Variants in ADGRL3 observed in about 807,000 individuals in gnomAD.
ADGRL3 encodes calcium-independent alpha-latrotoxin receptor 3.
ADGRL3 carries 62 observed loss-of-function variants against 153.5 expected under a neutral mutation model. That is an observed-to-expected ratio of 0.40 (90% CI 0.33 to 0.50). The LOEUF (loss-of-function observed/expected upper bound fraction) is 0.50. Ranked by LOEUF, ADGRL3 falls within the 20% of genes least tolerant of loss-of-function variation. The pLI is 0.47. For synonymous variants in ADGRL3, 710 were observed against 672.5 expected, an observed-to-expected ratio of 1.06 and a Z score of -0.86; for missense variants, 1,641 against 1,859.4, an observed-to-expected ratio of 0.88 and a Z score of 2.16.
chr4:62,000,456 A>T (rs1407340287), intron 21 of ADGRL3, among the ~76,000 whole-genome samples: 1 of 152,066 alleles, frequency 6.6e-6, no homozygotes, highest in East Asian at 1.9e-4. Context: ...ATAATTAAAC[A>T]TGGAAAAAAT....
At chr4:61,331,663 T>A (rs1215024209) in intron 1 of ADGRL3, among the ~76,000 whole-genome samples, 1 of 152,180 alleles carries the variant, frequency 6.6e-6, no homozygotes, top group Non-Finnish European at 1.5e-5. Context: ...TTGAATTTTG[T>A]ATTTAGTTAT....
intron 9 of ADGRL3, among the ~76,000 whole-genome samples, chr4:61,858,150 G>A (rs2098299221): frequency 6.6e-6 from 1 of 152,198 alleles, no homozygotes. Flanking sequence ...ACCAATGGCA[G>A]TAAATTAAAT....
intron 17 of ADGRL3, among the ~76,000 whole-genome samples, chr4:61,950,637 C>T (rs761320491): frequency 6.6e-6 from 1 of 152,144 alleles, no homozygotes; most frequent in Non-Finnish European, 1.5e-5. Flanking sequence ...ACTGGGTGGT[C>T]TTCCTTATGC....
intron 1 of ADGRL3, among the ~76,000 whole-genome samples, chr4:61,304,738 A>T (rs1216886717): frequency 1.3e-5 from 2 of 152,078 alleles, no homozygotes; most frequent in Non-Finnish European, 2.9e-5. Flanking sequence ...AAGGGTTTTG[A>T]TTGGTAAAAC....
chr4:61,836,536 T>G lies in ADGRL3; in HGVS notation c.1480+22647T>G, dbSNP rs145283981. Reference sequence around the variant, plus strand: ...ACCCATGAAAGTTGAATGTGTGATATTAGGACATTATGCATTTCTAAAACT... The same window carrying G: ...ACCCATGAAAGTTGAATGTGTGATAGTAGGACATTATGCATTTCTAAAACT... On this transcript the variant is annotated intron_variant, in intron 9 of 26. Coordinates refer to ENST00000683033, the MANE Select transcript of ADGRL3 (RefSeq NM_001387552.1). 1.8e-3 allele frequency among the ~76,000 whole-genome samples: 270 copies of G among 152,184 alleles called. 2 individuals are homozygous for G. Among genetic ancestry groups the G allele is most frequent in the African/African-American group, 6.4e-3 (265 of 41,564 alleles).
At chr4:61,877,261 A>G (rs1421884738) in intron 9 of ADGRL3, among the ~76,000 whole-genome samples, 5 of 152,188 alleles carry the variant, frequency 3.3e-5, no homozygotes, top group Non-Finnish European at 1.5e-5. Flanking sequence ...TGGACCTCAA[A>G]GCATTATGCT....
intron 25 of ADGRL3, among the ~76,000 whole-genome samples, chr4:62,047,882 A>G (rs1731964791): frequency 6.6e-6 from 1 of 152,104 alleles, no homozygotes; most frequent in South Asian, 2.1e-4. Context: ...TAGCGATCCA[A>G]CTATGTGCAC....
chr4:61,617,470 C>A (rs1358551570), intron 5 of ADGRL3, among the ~76,000 whole-genome samples: 1 of 152,108 alleles, frequency 6.6e-6, no homozygotes, highest in Non-Finnish European at 1.5e-5. Context: ...CACTATCTTT[C>A]CAGGTCTCTG....
At chr4:61,766,201 G>T (rs747749102) in intron 8 of ADGRL3, among the ~76,000 whole-genome samples, 1 of 152,060 alleles carries the variant, frequency 6.6e-6, no homozygotes, top group Non-Finnish European at 1.5e-5. Flanking sequence ...CAGGAACAAC[G>T]GTAATTGTGG....
intron 1 of ADGRL3, among the ~76,000 whole-genome samples, chr4:61,245,726 C>T (rs1756796286): frequency 6.6e-6 from 1 of 152,102 alleles, no homozygotes; most frequent in Non-Finnish European, 1.5e-5. Context: ...TCACATTTGT[C>T]ACAAATGTCT....
rs149670622 is a variant in ADGRL3 at position 61,345,178 on chromosome 4, T to C, written c.-239-37946T>C. ...TTAGTATATTAAAGATCCATGCCAA[T>C]GTTATTAGTTATGGATTTAAAAATA... is the stretch of plus-strand genomic sequence containing the variant. On this transcript the variant is annotated intron_variant, in intron 1 of 26. Transcript: ENST00000683033. 3.9e-5 allele frequency among the ~76,000 whole-genome samples: 6 copies of C among 152,178 alleles called. No homozygotes were observed. In the East Asian group the frequency reaches 1.2e-3, roughly 29 times the overall value.
chr4:61,756,574 A>G (rs2096833864), intron 8 of ADGRL3, among the ~76,000 whole-genome samples: 1 of 152,122 alleles, frequency 6.6e-6, no homozygotes, highest in Non-Finnish European at 1.5e-5. Context: ...AACAGGGACA[A>G]TTTCACTTCC....
In ADGRL3 at chr4:61,983,389, TG is replaced by T; in HGVS notation, c.3023del (p.Cys1008LeufsTer62). 1 of 1,613,480 alleles carries T rather than the reference TG, an allele frequency of 6.2e-7. No homozygotes were observed. Among genetic ancestry groups the T allele is most frequent in the Non-Finnish European group, 8.5e-7 (1 of 1,179,546 alleles). On this transcript the variant is annotated frameshift_variant, in exon 19 of 27. Coordinates refer to ENST00000683033, the MANE Select transcript of ADGRL3 (RefSeq NM_001387552.1). LOFTEE classifies it high-confidence loss of function. ...CATTTGTTCCTTTTCCTAGATTGCC[TG>T]TGCTGTTTTCGCTGCCCTGTTACAT... ...GINRTDQPIA[C>X]AVFAALLHFF...
At chr4:61,471,540 G>A (rs1365056886) in intron 2 of ADGRL3, among the ~76,000 whole-genome samples, 1 of 151,594 alleles carries the variant, frequency 6.6e-6, no homozygotes, top group Non-Finnish European at 1.5e-5. Flanking sequence ...AATGGAAAAA[G>A]CTGTGATTTT....
At chr4:61,291,181 C>G (rs1414522652) in intron 1 of ADGRL3, among the ~76,000 whole-genome samples, 10 of 49,574 alleles carry the variant, frequency 2.0e-4, no homozygotes, top group African/African-American at 5.0e-4. Flanking sequence ...TCAATACACA[C>G]ACACACACAC....
At chr4:61,717,449 T>C (rs778764334) in intron 6 of ADGRL3, among the ~76,000 whole-genome samples, 8 of 152,134 alleles carry the variant, frequency 5.3e-5, no homozygotes, top group South Asian at 2.1e-4. Flanking sequence ...TGGAGCCAGA[T>C]TGTCTTATAA....
intron 1 of ADGRL3, among the ~76,000 whole-genome samples, chr4:61,306,834 C>T (rs1435724943): frequency 6.6e-6 from 1 of 152,170 alleles, no homozygotes; most frequent in East Asian, 1.9e-4. Context: ...TTCATCATTC[C>T]TTCACGTGTG....
At chr4:62,025,497 T>C (rs956961106) in intron 21 of ADGRL3, among the ~76,000 whole-genome samples, 3 of 152,176 alleles carry the variant, frequency 2.0e-5, no homozygotes, top group Non-Finnish European at 2.9e-5. Flanking sequence ...CAGTGTCTCT[T>C]AGATCAAGTA....
chr4:61,411,997 T>A (rs116348564), intron 2 of ADGRL3, among the ~76,000 whole-genome samples: 162 of 152,338 alleles, frequency 1.1e-3, no homozygotes, highest in Non-Finnish European at 1.1e-3. Flanking sequence ...TAAATATGAA[T>A]TGAATTCTGG....
Sources: gnomAD v4.1 joint callset for allele counts (sites outside exome capture counted in the v4.1 genomes callset) on GRCh38, gnomAD v4.1.1 for gene constraint, MANE v1.5 for transcripts, NCBI Gene and HGNC (gene_info 2026-07-23, HGNC 2026-07-21) for gene names.